Variants in RERE observed in about 807,000 individuals in gnomAD.
RERE encodes arginine-glutamic acid dipeptide repeats.
A neutral mutation model predicts 146.1 loss-of-function variants in RERE; 40 were observed. The observed-to-expected ratio is 0.27, with a 90% CI of 0.21 to 0.36. The LOEUF (loss-of-function observed/expected upper bound fraction) is 0.36. Among genes scored for constraint, RERE ranks in the 10% least tolerant of loss-of-function variants. The pLI is 1.00. For missense variants in RERE, 1,933 were observed against 2,138.7 expected (o/e 0.90, Z 1.90); for synonymous variants, 1,003 against 866.0 (o/e 1.16, Z -2.78).
At chr1:8,785,223 G>C (rs1641238627) in intron 1 of RERE, among the ~76,000 whole-genome samples, 1 of 152,156 alleles carries the variant, frequency 6.6e-6, no homozygotes, top group African/African-American at 2.4e-5. Flanking sequence ...AACAATGAAA[G>C]GCAGTCAAGC....
At chr1:8,771,514 A>T (rs998752816) in intron 1 of RERE, among the ~76,000 whole-genome samples, 1 of 111,960 alleles carries the variant, frequency 8.9e-6, no homozygotes, top group African/African-American at 3.9e-5. Flanking sequence ...ACAGAGAGAA[A>T]CTTGTTTCAA....
intron 4 of RERE, among the ~76,000 whole-genome samples, chr1:8,607,290 G>A (rs1052753547): frequency 7.3e-5 from 11 of 150,968 alleles, no homozygotes; most frequent in Non-Finnish European, 1.3e-4. Context: ...CGACTGGGAG[G>A]TTGAGGCTGC....
chr1:8,356,759 T>C lies in RERE; in HGVS notation c.4340-513A>G, dbSNP rs2124355475. Among the ~76,000 whole-genome samples the C allele has an allele frequency of 6.6e-6, 1 of 152,228 alleles. No homozygotes were observed. The highest frequency in any genetic ancestry group is 1.9e-4 in the East Asian group (1 of 5,168). On this transcript the variant is annotated intron_variant, in intron 20 of 22. Transcript: ENST00000400908. The surrounding 1 kb of genome is among the most constrained non-coding windows in gnomAD (Gnocchi z 5.2). ...CTCTCCTCTCTGCTGGCACAAATCT[T>C]GCGTCTCTCCCTTCAGAACGTTGCC...
chr1:8,754,315 G>A (rs1196800488), intron 1 of RERE, among the ~76,000 whole-genome samples: 1 of 151,750 alleles, frequency 6.6e-6, no homozygotes, highest in African/African-American at 2.4e-5. Context: ...CAGCTTCCCA[G>A]AAGATTCATT....
chr1:8,779,060 T>G (rs1641119199), intron 1 of RERE, among the ~76,000 whole-genome samples: 1 of 150,062 alleles, frequency 6.7e-6, no homozygotes, highest in Non-Finnish European at 1.5e-5. Flanking sequence ...TTGGCCAGGC[T>G]GGTCTCGAAC....
At chr1:8,816,380 AAT>A (rs879644745) in intron 1 of RERE, among the ~76,000 whole-genome samples, 3 of 152,238 alleles carry the variant, frequency 2.0e-5, no homozygotes, top group Non-Finnish European at 4.4e-5. Context: ...TACTTAAATC[AAT>A]GTTTGAAGTC....
chr1:8,455,073 C>T (rs1403361000), intron 11 of RERE, among the ~76,000 whole-genome samples: 3 of 152,062 alleles, frequency 2.0e-5, no homozygotes, highest in Non-Finnish European at 4.4e-5. Context: ...GGTAACTGTG[C>T]CTTCCCCAGA....
chr1:8,425,481 C>T (rs571876412), intron 11 of RERE, among the ~76,000 whole-genome samples: 1 of 151,770 alleles, frequency 6.6e-6, no homozygotes, highest in Non-Finnish European at 1.5e-5. Context: ...GTGACATCAG[C>T]GAGATCACAA....
Position 8,401,069 on chromosome 1 carries a change from A to ATATGTATG in RERE, c.1284+21657_1284+21658insCATACATA, listed in dbSNP as rs1553161877. Among the ~76,000 whole-genome samples, 91 of 85,058 alleles carry ATATGTATG rather than the reference A, an allele frequency of 1.1e-3. 1 individual carries two copies. The highest frequency in any genetic ancestry group is 1.7e-3 in the Non-Finnish European group (66 of 39,698). 55.8% of individuals were successfully genotyped at this position (85,058 alleles called of 152,430 possible). ...TATATATATATATATATATATATATATATGTCACTTAATAGTTTTTGGGAG... is the reference window on the plus strand; with the variant it reads ...TATATATATATATATATATATATATATATGTATGTATGTCACTTAATAGTTTTTGGGAG... On this transcript the variant is annotated intron_variant, in intron 12 of 22. Coordinates refer to ENST00000400908, the MANE Select transcript of RERE (RefSeq NM_001042681.2).
intron 1 of RERE, among the ~76,000 whole-genome samples, chr1:8,694,506 A>G (rs111528386): frequency 4.9e-4 from 74 of 152,310 alleles, no homozygotes; most frequent in African/African-American, 1.6e-3. Context: ...CACGCTTGTA[A>G]TCCAAGCACT....
At chr1:8,448,228 G>A (rs1644347102) in intron 11 of RERE, among the ~76,000 whole-genome samples, 1 of 152,148 alleles carries the variant, frequency 6.6e-6, no homozygotes, top group Non-Finnish European at 1.5e-5. Flanking sequence ...GCCTTTCAGA[G>A]CCAGAAGGGG....
intron 12 of RERE, among the ~76,000 whole-genome samples, chr1:8,368,022 T>C (rs1274390729): frequency 1.3e-5 from 2 of 152,168 alleles, no homozygotes; most frequent in East Asian, 3.9e-4. Context: ...AAATGCTCTG[T>C]CCAAGGTCAT....
intron 4 of RERE, among the ~76,000 whole-genome samples, chr1:8,571,415 T>C (rs764527895): frequency 3.3e-5 from 5 of 152,172 alleles, no homozygotes; most frequent in South Asian, 2.1e-4. Flanking sequence ...ACACAAATAT[T>C]TGCACTTTTA....
intron 2 of RERE, among the ~76,000 whole-genome samples, 169 bp downstream of exon 2, chr1:8,655,804 G>A (rs943574374): frequency 6.6e-6 from 1 of 152,088 alleles, no homozygotes; most frequent in Non-Finnish European, 1.5e-5. Flanking sequence ...GCAAGAAGTG[G>A]GTGAACCTAA....
rs552446057 is a variant in RERE at position 8,812,113 on chromosome 1, A to G, written c.-145+5047T>C. Among the ~76,000 whole-genome samples the G allele has an allele frequency of 2.3e-4, 35 of 152,308 alleles. No homozygotes were observed. In the South Asian group the frequency reaches 3.3e-3, roughly 14 times the overall value. On this transcript the variant is annotated intron_variant, in intron 1 of 22. Coordinates refer to ENST00000400908, the MANE Select transcript of RERE (RefSeq NM_001042681.2). The stretch of plus-strand genomic sequence containing the variant: ...ACTCGGAAGACTTTCTGTTCCTTGC[A>G]ATGAAAAACAGCCTAACCAAAGTCC...
At chr1:8,741,660 G>GT (rs1231854865) in intron 1 of RERE, among the ~76,000 whole-genome samples, 1 of 152,154 alleles carries the variant, frequency 6.6e-6, no homozygotes, top group African/African-American at 2.4e-5. Flanking sequence ...CACCATGATT[G>GT]TAAGTTTCCT....
At chr1:8,543,863 G>T (rs991911662) in intron 6 of RERE, among the ~76,000 whole-genome samples, 9 of 152,192 alleles carry the variant, frequency 5.9e-5, no homozygotes, top group African/African-American at 2.2e-4. Flanking sequence ...TCGTAAATGG[G>T]ATTTTTCTCT....
chr1:8,706,056 C>G (rs1031158567), intron 1 of RERE, among the ~76,000 whole-genome samples: 7 of 138,942 alleles, frequency 5.0e-5, no homozygotes, highest in Non-Finnish European at 1.1e-4. Context: ...GTGGAGCTTG[C>G]CGTGAGCTGA....
intron 12 of RERE, among the ~76,000 whole-genome samples, chr1:8,391,597 C>A (rs964171434): frequency 6.6e-5 from 10 of 152,244 alleles, no homozygotes; most frequent in Admixed American, 6.5e-5. Context: ...GGGGTCATAA[C>A]TGAAATATCT....
Sources: gnomAD v4.1 joint callset for allele counts (sites outside exome capture counted in the v4.1 genomes callset) on GRCh38, gnomAD v4.1.1 for gene constraint, Gnocchi (gnomAD v3.1) non-coding constraint, MANE v1.5 for transcripts, NCBI Gene and HGNC (gene_info 2026-07-23, HGNC 2026-07-21) for gene names.